PLAT: variants seen among roughly 807,000 people sequenced by gnomAD.
The protein encoded by PLAT is plasminogen activator, tissue type, also known as tissue-type plasminogen activator.
PLAT carries 48 observed loss-of-function variants against 74.9 expected under a neutral mutation model. That is an observed-to-expected ratio of 0.64 (90% confidence interval 0.51 to 0.82). PLAT has a LOEUF of 0.82. PLAT is among the 40% of genes least tolerant of loss of function. The probability of loss-of-function intolerance (pLI) is 0.00; values close to 1 mark genes in which losing one functional copy is unlikely to be tolerated. For missense variants in PLAT, 673 were observed against 736.2 expected (o/e 0.91, Z 0.99); for synonymous variants, 307 against 294.4 (o/e 1.04, Z -0.44).
chr8:42,181,295 C>G (rs952202545), intron 9 of PLAT, among the ~76,000 whole-genome samples: 3 of 152,230 alleles, frequency 2.0e-5, no homozygotes, highest in Non-Finnish European at 4.4e-5. Context: ...CTGGCCATTT[C>G]CAAACTAAAG....
At position 42,175,030 on chromosome 8, in the gene PLAT, C is replaced by T. The variant is rs987508221; in HGVS notation, c.*963G>A. Among the ~76,000 whole-genome samples, 4 of 152,208 alleles carry T rather than the reference C, an allele frequency of 2.6e-5. No homozygotes were observed. Among genetic ancestry groups the T allele is most frequent in the South Asian group, 2.1e-4 (1 of 4,834 alleles). On this transcript the variant is annotated 3_prime_UTR_variant, in exon 14 of 14. Coordinates refer to ENST00000220809, the MANE Select transcript of PLAT (RefSeq NM_000930.5). ...TGACCGGCTCCACTGTACCTTGGTA[C>T]TTCTCTAAATGCCATATTAGCCCAT... is the stretch of plus-strand genomic sequence containing the variant.
In PLAT at chr8:42,188,951, T is replaced by G; in HGVS notation, c.236A>C (p.His79Pro). 1.2e-6 allele frequency: 2 copies of G among 1,613,814 alleles called. No individual in the cohort carries two copies. Among genetic ancestry groups the G allele is most frequent in the Non-Finnish European group, 8.5e-7 (1 of 1,179,866 alleles). The stretch of plus-strand genomic sequence containing the variant: ...GTACATACTTTTGACAGGCACTGAG[T>G]GGCACTGTGCCCTGCCACTGTTGCA... The part of the protein sequence containing the change: ...CWCNSGRAQC[H>P]SVPVKSCSEP... The change falls in exon 4 of 14, where the codon CAC (histidine) becomes CCC (proline). Residue 79 changes from histidine to proline, a missense_variant. Physicochemically the swap from His to Pro is moderately conservative, Grantham distance 77 (BLOSUM62 -2). Transcript: ENST00000220809.
rs1805566982 is a variant in PLAT at position 42,188,440 on chromosome 8, C to T, written c.254-424G>A. 3 of 169,122 alleles carry T rather than the reference C, an allele frequency of 1.8e-5. No individual in the cohort carries two copies. In the South Asian group the frequency reaches 5.3e-4, roughly 30 times the overall value. 10.5% of individuals were successfully genotyped at this position (169,122 alleles called of 1,614,324 possible). ...GCAAGCGGGCATTTGCCCAAGGTCA[C>T]TTGGTCTTGCTCCCTTTTCTGCTTG... On this transcript the variant is annotated intron_variant, in intron 4 of 13. Coordinates refer to ENST00000220809, the MANE Select transcript of PLAT (RefSeq NM_000930.5).
chr8:42,179,793 G>A (rs1358597866), intron 12 of PLAT, 133 bp downstream of exon 12: 2 of 889,340 alleles, frequency 2.2e-6, no homozygotes. Flanking sequence ...CCACGACACA[G>A]GGAGACGGGA....
At chr8:42,188,884 T>G in intron 4 of PLAT, 50 bp downstream of exon 4, 2 of 1,559,410 alleles carry the variant, frequency 1.3e-6, no homozygotes. Context: ...CTTGGCCTCC[T>G]AAAGTGCTGG....
chr8:42,186,141 GA>G (rs1250221597), intron 6 of PLAT: 2 of 140,152 alleles, frequency 1.4e-5, no homozygotes, highest in Non-Finnish European at 3.0e-5. Context: ...TCCTCAATAA[GA>G]TAGCTGCAAA....
chr8:42,178,883 C>T lies in PLAT; in HGVS notation c.1530+14G>A, dbSNP rs1265489180. On this transcript the variant is annotated intron_variant, in intron 13 of 13. Transcript: ENST00000220809. ...CTGGGTTGTGCCCAGCATGGGCGCG[C>T]CACTCCTGGTTACCTGGCAGGCGTC... 9 of 1,611,750 alleles carry T rather than the reference C, an allele frequency of 5.6e-6. No individual in the cohort carries two copies. Among genetic ancestry groups the T allele is most frequent in the Non-Finnish European group, 7.6e-6 (9 of 1,179,432 alleles).
intron 9 of PLAT, 32 bp downstream of exon 9, chr8:42,181,905 G>C: frequency 7.6e-7 from 1 of 1,313,244 alleles, no homozygotes; most frequent in Non-Finnish European, 1.1e-6. Flanking sequence ...GGGAGACCAG[G>C]TGCAGGGAGG....
intron 11 of PLAT, 44 bp from the exon 12 acceptor site, chr8:42,180,110 C>A: frequency 1.3e-6 from 2 of 1,589,550 alleles, no homozygotes; most frequent in Non-Finnish European, 1.7e-6. Context: ...AGGGCCGCGT[C>A]CCCGGGAGGG....
chr8:42,205,784 C>T (rs1286770308), intron 1 of PLAT, among the ~76,000 whole-genome samples: 1 of 152,196 alleles, frequency 6.6e-6, no homozygotes, highest in Non-Finnish European at 1.5e-5. Context: ...ATACCTTGGC[C>T]ACCTTGGACA....
intron 7 of PLAT, among the ~76,000 whole-genome samples, chr8:42,183,165 C>T (rs757303940): frequency 1.3e-5 from 2 of 152,088 alleles, no homozygotes; most frequent in Non-Finnish European, 2.9e-5. Flanking sequence ...CACCATGCTA[C>T]GCTAATTTTG....
At chr8:42,200,066 G>A (rs1806068105) in intron 1 of PLAT, among the ~76,000 whole-genome samples, 1 of 152,210 alleles carries the variant, frequency 6.6e-6, no homozygotes. Context: ...GGCCTTAGGT[G>A]AAAGTGACAT....
At chr8:42,191,712 T>C (rs1805693626) in intron 2 of PLAT, among the ~76,000 whole-genome samples, 1 of 152,138 alleles carries the variant, frequency 6.6e-6, no homozygotes, top group African/African-American at 2.4e-5. Flanking sequence ...CCAGTGGGAC[T>C]GAGAAACAAT....
chr8:42,192,681 G>T lies in PLAT; in HGVS notation c.72+433C>A, dbSNP rs8178728. On this transcript the variant is annotated intron_variant, in intron 2 of 13. Coordinates refer to ENST00000220809, the MANE Select transcript of PLAT (RefSeq NM_000930.5). ...TAAAGTATACAGGAGGGTGTGCATAGGATATGCAAACTCTACACCATTCTA... is the reference window on the plus strand; with the variant it reads ...TAAAGTATACAGGAGGGTGTGCATATGATATGCAAACTCTACACCATTCTA... Among the ~76,000 whole-genome samples, 75 of 152,288 alleles carry T rather than the reference G, an allele frequency of 4.9e-4. No individual in the cohort carries two copies. In the South Asian group the frequency reaches 0.013, roughly 27 times the overall value.
chr8:42,178,850 A>G, intron 13 of PLAT, 47 bp downstream of exon 13: 2 of 1,563,254 alleles, frequency 1.3e-6, no homozygotes, highest in South Asian at 1.1e-5. Flanking sequence ...TCCCAGGGGC[A>G]TTCTCCCCTG....
intron 1 of PLAT, among the ~76,000 whole-genome samples, chr8:42,197,327 G>A (rs968352497): frequency 6.6e-6 from 1 of 152,330 alleles, no homozygotes; most frequent in African/African-American, 2.4e-5. Context: ...TGGAAGCCGT[G>A]TTTGGTCTGT....
chr8:42,188,091 G>A lies in PLAT; in HGVS notation c.254-75C>T. On this transcript the variant is annotated intron_variant, in intron 4 of 13. Transcript: ENST00000220809. ...CTCAGGCCATGGTTCCAGGAGCCCT[G>A]TCTACCACAATCCACACACACTCAA... The A allele has an allele frequency of 4.8e-6, 4 of 831,928 alleles. No individual in the cohort carries two copies. The East Asian group carries it at 1.0e-4, about 21-fold the overall frequency. The allele number at this position is 831,928 out of a possible 1,614,324, so 51.5% of individuals were successfully genotyped here.
intron 3 of PLAT, among the ~76,000 whole-genome samples, chr8:42,189,539 G>A (rs1389087005): frequency 6.6e-6 from 1 of 150,898 alleles, no homozygotes; most frequent in African/African-American, 2.4e-5. Context: ...AAATAAATTT[G>A]CATTTCTTTT....
Position 42,182,873 on chromosome 8 carries a change from A to C in PLAT, c.649T>G (p.Phe217Val). 2 of 1,605,684 alleles carry C rather than the reference A, an allele frequency of 1.2e-6. No individual in the cohort carries two copies. The highest frequency in any genetic ancestry group is 1.7e-6 in the Non-Finnish European group (2 of 1,177,656). The change falls in exon 8 of 14, where the codon TTT (phenylalanine) becomes GTT (valine). Residue 217 changes from phenylalanine to valine, a missense_variant. By Grantham distance (50) the Phe-to-Val change is conservative. Coordinates refer to ENST00000220809, the MANE Select transcript of PLAT (RefSeq NM_000930.5). ...ACSEGNSDCY[F>V]GNGSAYRGTH... ...CCACGGTAGGCTGACCCATTCCCAA[A>C]GTAGCAGTCACTGTTTCCTAGAAGA...
Sources: gnomAD v4.1 joint callset for allele counts (sites outside exome capture counted in the v4.1 genomes callset) on GRCh38, gnomAD v4.1.1 for gene constraint, MANE v1.5 for transcripts, NCBI Gene and HGNC (gene_info 2026-07-23, HGNC 2026-07-21) for gene names.